TFCP2L1: variants seen among roughly 807,000 people sequenced by gnomAD.
TFCP2L1 encodes the protein transcription factor CP2-like protein 1.
Under a neutral mutation model 72.2 loss-of-function variants are expected in TFCP2L1, and 12 were observed. The ratio of observed to expected loss-of-function variants is 0.17; its 90% CI spans 0.11 to 0.27. The LOEUF is 0.27. TFCP2L1 is among the 10% of genes least tolerant of loss of function. TFCP2L1 has a pLI of 1.00. For synonymous variants in TFCP2L1, 260 were observed against 251.0 expected (o/e 1.04, Z -0.34); for missense variants, 488 against 624.6 (o/e 0.78, Z 2.33).
intron 14 of TFCP2L1, among the ~76,000 whole-genome samples, chr2:121,225,344 C>T (rs1686007479): frequency 6.6e-6 from 1 of 152,196 alleles, no homozygotes; most frequent in South Asian, 2.1e-4. Flanking sequence ...TCATAGAAAA[C>T]AAGTTGCCTG....
At chr2:121,254,702 C>G (rs1686681034) in intron 2 of TFCP2L1, among the ~76,000 whole-genome samples, 1 of 151,916 alleles carries the variant, frequency 6.6e-6, no homozygotes, top group Non-Finnish European at 1.5e-5. Context: ...ACTCAGGAGG[C>G]TGGGGCAAGA....
chr2:121,284,370 C>G (rs1687323428), intron 1 of TFCP2L1, among the ~76,000 whole-genome samples: 1 of 152,240 alleles, frequency 6.6e-6, no homozygotes, highest in Non-Finnish European at 1.5e-5. Flanking sequence ...CACACGGGGT[C>G]CTACTGCTAA....
chr2:121,271,207 A>T (rs966323899), intron 2 of TFCP2L1, among the ~76,000 whole-genome samples: 4 of 152,186 alleles, frequency 2.6e-5, no homozygotes, highest in South Asian at 4.1e-4. Context: ...AAATAAAAAA[A>T]AAAAAACAAA....
rs757575309 is a variant in TFCP2L1 at position 121,239,609 on chromosome 2, G to T, written c.809C>A (p.Ala270Asp). 1.2e-6 allele frequency: 2 copies of T among 1,614,196 alleles called. No homozygotes were observed. The highest frequency in any genetic ancestry group is 1.6e-4 in the Middle Eastern group (1 of 6,062). The change falls in exon 8 of 15, where the codon GCC (alanine) becomes GAC (aspartate). Residue 270 changes from alanine to aspartate, a missense_variant. Ala to Asp is a moderately radical substitution (Grantham distance 126). Around this residue, in one of 3 missense-constraint regions of TFCP2L1, gnomAD observed 286 missense variants for 329.0 expected, o/e 0.87. Coordinates refer to ENST00000263707, the MANE Select transcript of TFCP2L1 (RefSeq NM_014553.3). ...WPDVAYQVNSAPSPSYNGSPN... is the reference protein window; with the variant it reads ...WPDVAYQVNSDPSPSYNGSPN... ...AGAACCATTGTAGCTTGGGGACGGG[G>T]CGCTGTTCACCTGGTAGGCCACGTC...
At chr2:121,231,769 A>T in intron 13 of TFCP2L1, 57 bp downstream of exon 13, 1 of 1,591,058 alleles carries the variant, frequency 6.3e-7, no homozygotes, top group East Asian at 2.3e-5. Context: ...AGGGGTTCTG[A>T]CACTCCTCCC....
At chr2:121,239,672 A>G in intron 7 of TFCP2L1, 23 bp from the exon 8 acceptor site, 5 of 1,609,094 alleles carry the variant, frequency 3.1e-6, no homozygotes, top group Non-Finnish European at 3.4e-6. Flanking sequence ...GCACAGGGCG[A>G]GCTGGGATCT....
At chr2:121,270,515 T>C (rs766822730) in intron 2 of TFCP2L1, among the ~76,000 whole-genome samples, 10 of 152,148 alleles carry the variant, frequency 6.6e-5, no homozygotes, top group Non-Finnish European at 1.5e-4. Context: ...AAGATATACA[T>C]AGATGTTCAC....
intron 7 of TFCP2L1, chr2:121,240,041 G>C (rs1686335802): frequency 1.0e-6 from 1 of 985,198 alleles, no homozygotes; most frequent in South Asian, 4.7e-5. Context: ...GTTATAGGGA[G>C]TACTGGACCA....
At chr2:121,246,768 A>ACAGGC in intron 6 of TFCP2L1, 50 bp downstream of exon 6, 1 of 1,608,488 alleles carries the variant, frequency 6.2e-7, no homozygotes, top group Non-Finnish European at 8.5e-7. Context: ...GAATGTGACC[A>ACAGGC]CAGGCCAGGC....
chr2:121,248,348 G>T, intron 4 of TFCP2L1, 78 bp from the exon 5 acceptor site: 1 of 1,202,786 alleles, frequency 8.3e-7, no homozygotes, highest in Non-Finnish European at 1.2e-6. Flanking sequence ...CCTGTTACAG[G>T]TCCCAATTCC....
At chr2:121,263,085 G>A (rs1215252218) in intron 2 of TFCP2L1, among the ~76,000 whole-genome samples, 16 of 152,158 alleles carry the variant, frequency 1.1e-4, no homozygotes, top group African/African-American at 3.1e-4. Context: ...ACAGGCATGC[G>A]CCACCACGTC....
chr2:121,284,746 G>A (rs901603758), intron 1 of TFCP2L1, among the ~76,000 whole-genome samples: 2 of 152,180 alleles, frequency 1.3e-5, no homozygotes, highest in Admixed American at 1.3e-4. Flanking sequence ...CGGGCCAGGG[G>A]AGGCGGCGGG....
intron 13 of TFCP2L1, among the ~76,000 whole-genome samples, chr2:121,230,174 CT>C (rs988864517): frequency 1.3e-5 from 2 of 152,066 alleles, no homozygotes; most frequent in African/African-American, 4.8e-5. Context: ...TGTTTGTTTG[CT>C]TTGTTTTGTT....
At chr2:121,242,103 AAAAAAG>A (rs1461022115) in intron 7 of TFCP2L1, among the ~76,000 whole-genome samples, 20 of 150,132 alleles carry the variant, frequency 1.3e-4, no homozygotes, top group Non-Finnish European at 2.2e-4. Context: ...AAAAAAAAAA[AAAAAAG>A]GGAACCTAAT....
intron 13 of TFCP2L1, 106 bp downstream of exon 13, chr2:121,231,720 C>A: frequency 2.0e-6 from 3 of 1,492,358 alleles, no homozygotes; most frequent in Non-Finnish European, 1.8e-6. Flanking sequence ...TGCAGATGAA[C>A]CTGTCTGTCA....
intron 2 of TFCP2L1, among the ~76,000 whole-genome samples, chr2:121,269,918 AATAT>A (rs10531350): frequency 6.0e-4 from 69 of 115,116 alleles, no homozygotes; most frequent in African/African-American, 1.6e-3. Flanking sequence ...AAAAAAAAAA[AATAT>A]ATATATATAT....
intron 2 of TFCP2L1, among the ~76,000 whole-genome samples, chr2:121,270,696 T>C (rs1014327225): frequency 7.2e-5 from 11 of 152,012 alleles, no homozygotes; most frequent in Non-Finnish European, 1.5e-4. Flanking sequence ...ATTGAAGATA[T>C]TTTGTTTGGG....
At chr2:121,282,984 G>T (rs758189691) in intron 1 of TFCP2L1, among the ~76,000 whole-genome samples, 2 of 152,150 alleles carry the variant, frequency 1.3e-5, no homozygotes, top group Non-Finnish European at 2.9e-5. Context: ...CCCCCACAGG[G>T]CGTCTTCCTT....
intron 7 of TFCP2L1, among the ~76,000 whole-genome samples, chr2:121,241,650 CCA>C (rs1686370875): frequency 6.6e-6 from 1 of 152,104 alleles, no homozygotes; most frequent in South Asian, 2.1e-4. Context: ...CCCTCCAACC[CCA>C]GAGATCCCAC....
Sources: allele counts gnomAD v4.1 joint callset (sites outside exome capture counted in the v4.1 genomes callset), GRCh38; gene constraint gnomAD v4.1.1; regional missense constraint gnomAD v4.1.1; transcripts MANE v1.5; gene names NCBI Gene and HGNC (gene_info 2026-07-23, HGNC 2026-07-21).